KLHL1: variants seen among roughly 807,000 people sequenced by gnomAD.
KLHL1 encodes kelch like family member 1, also known as kelch-like protein 1.
KLHL1 carries 47 observed loss-of-function variants against 77.7 expected under a neutral mutation model. That is an observed-to-expected ratio of 0.60 (90% confidence interval 0.48 to 0.77). The LOEUF is 0.77. Ranked by LOEUF, KLHL1 falls within the 30% of genes least tolerant of loss-of-function variation. The probability of loss-of-function intolerance (pLI) is 0.00; values close to 1 mark genes in which losing one functional copy is unlikely to be tolerated. For missense variants in KLHL1, 925 were observed against 910.8 expected (o/e 1.02, Z -0.20); for synonymous variants, 360 against 325.2 (o/e 1.11, Z -1.15).
intron 4 of KLHL1, among the ~76,000 whole-genome samples, chr13:69,884,845 C>T (rs1264213380): frequency 1.3e-5 from 2 of 151,842 alleles, no homozygotes; most frequent in East Asian, 1.9e-4. Flanking sequence ...AAATCTATCT[C>T]GTAGGAAGGC....
intron 7 of KLHL1, among the ~76,000 whole-genome samples, chr13:69,769,700 C>T (rs995276330): frequency 2.0e-5 from 3 of 152,144 alleles, no homozygotes; most frequent in African/African-American, 4.8e-5. Flanking sequence ...CACAGCTACC[C>T]TCTTTGGGCC....
chr13:69,773,430 C>T (rs963330856), intron 7 of KLHL1, among the ~76,000 whole-genome samples: 10 of 151,912 alleles, frequency 6.6e-5, no homozygotes, highest in Non-Finnish European at 1.3e-4. Context: ...TATTTTTCCT[C>T]TATGAGATAT....
intron 3 of KLHL1, among the ~76,000 whole-genome samples, chr13:69,948,561 C>T (rs1285267051): frequency 6.6e-6 from 1 of 151,952 alleles, no homozygotes; most frequent in East Asian, 1.9e-4. Flanking sequence ...ACAATCACAT[C>T]TTAAGTAAAT....
intron 7 of KLHL1, among the ~76,000 whole-genome samples, chr13:69,784,844 A>G (rs1258962293): frequency 6.7e-6 from 1 of 149,284 alleles, no homozygotes; most frequent in Non-Finnish European, 1.5e-5. Flanking sequence ...CCTAATAGAC[A>G]TCTACAGAAC....
At chr13:69,901,116 T>G (rs1881839541) in intron 4 of KLHL1, among the ~76,000 whole-genome samples, 2 of 152,114 alleles carry the variant, frequency 1.3e-5, no homozygotes, top group Non-Finnish European at 2.9e-5. Flanking sequence ...TACATGCAAA[T>G]AGATAGAATA....
rs116031349 is a variant in KLHL1 at position 69,881,166 on chromosome 13, T to C, written c.1227+1117A>G. Among the ~76,000 whole-genome samples, 366 of 152,256 alleles carry C rather than the reference T, an allele frequency of 2.4e-3. 1 individual carries two copies. Among genetic ancestry groups the C allele is most frequent in the African/African-American group, 7.7e-3 (319 of 41,564 alleles). On this transcript the variant is annotated intron_variant, in intron 5 of 10. Transcript: ENST00000377844. Reference sequence around the variant, plus strand: ...TCCATAAATTATTTTGCTGTTTTTTTCTCCTGTACTAATCTCAGCAGCCAA... The same window carrying C: ...TCCATAAATTATTTTGCTGTTTTTTCCTCCTGTACTAATCTCAGCAGCCAA...
Position 69,877,135 on chromosome 13 carries a change from C to T in KLHL1, c.1227+5148G>A, listed in dbSNP as rs112986369. ...TCTCTGACCATGATAAAACTGAATT[C>T]CCCTGAGCACCTTTTGACTTGATAA... is the stretch of plus-strand genomic sequence containing the variant. On this transcript the variant is annotated intron_variant, in intron 5 of 10. Transcript: ENST00000377844. 5.7e-4 allele frequency among the ~76,000 whole-genome samples: 86 copies of T among 152,110 alleles called. 1 individual carries two copies. Among genetic ancestry groups the T allele is most frequent in the African/African-American group, 2.0e-3 (81 of 41,528 alleles).
At chr13:69,854,295 G>C (rs575925957) in intron 5 of KLHL1, among the ~76,000 whole-genome samples, 1 of 152,166 alleles carries the variant, frequency 6.6e-6, no homozygotes, top group South Asian at 2.1e-4. Context: ...CATTGAGGAA[G>C]ATGAAGGGGG....
chr13:69,898,589 T>C (rs1261007921), intron 4 of KLHL1, among the ~76,000 whole-genome samples: 2 of 152,198 alleles, frequency 1.3e-5, no homozygotes, highest in Non-Finnish European at 2.9e-5. Flanking sequence ...TTCAGTGTTA[T>C]GGCCCCACTA....
intron 1 of KLHL1, among the ~76,000 whole-genome samples, chr13:70,014,441 T>C (rs1467948339): frequency 6.6e-6 from 1 of 152,050 alleles, no homozygotes; most frequent in South Asian, 2.1e-4. Context: ...TTTGGTGCAG[T>C]CCATAATAAG....
At chr13:69,893,389 C>T (rs960574601) in intron 4 of KLHL1, among the ~76,000 whole-genome samples, 4 of 151,758 alleles carry the variant, frequency 2.6e-5, no homozygotes, top group East Asian at 1.9e-4. Flanking sequence ...CGCCCGCCAC[C>T]GCGCCTGGCT....
intron 7 of KLHL1, among the ~76,000 whole-genome samples, chr13:69,744,560 G>C (rs904784562): frequency 1.3e-5 from 2 of 150,984 alleles, no homozygotes; most frequent in African/African-American, 4.8e-5. Context: ...TGTAAAACAT[G>C]TAAGTGTTCA....
intron 1 of KLHL1, among the ~76,000 whole-genome samples, chr13:70,008,404 T>C (rs896175585): frequency 1.3e-5 from 2 of 152,088 alleles, no homozygotes; most frequent in Admixed American, 1.3e-4. Flanking sequence ...GTTTTTGTCA[T>C]TCTATGAACA....
At chr13:69,937,437 A>C (rs2138294484) in intron 4 of KLHL1, among the ~76,000 whole-genome samples, 1 of 152,174 alleles carries the variant, frequency 6.6e-6, no homozygotes, top group South Asian at 2.1e-4. Context: ...TAACCACATA[A>C]AATTTACTAT....
At chr13:69,997,810 T>C (rs1399216391) in intron 1 of KLHL1, among the ~76,000 whole-genome samples, 2 of 148,992 alleles carry the variant, frequency 1.3e-5, no homozygotes, top group Non-Finnish European at 3.0e-5. Flanking sequence ...TCTCACCTAT[T>C]CTTTATTATA....
intron 4 of KLHL1, among the ~76,000 whole-genome samples, chr13:69,898,428 G>A (rs1444649475): frequency 6.6e-6 from 1 of 152,178 alleles, no homozygotes; most frequent in African/African-American, 2.4e-5. Context: ...CCTTTTGGCT[G>A]TGTGGTGCAC....
chr13:70,052,651 A>T (rs1426572135), intron 1 of KLHL1, among the ~76,000 whole-genome samples: 1 of 151,886 alleles, frequency 6.6e-6, no homozygotes, highest in African/African-American at 2.4e-5. Flanking sequence ...ATTTTTAAAA[A>T]TAACCTCTTT....
At chr13:70,033,868 C>T (rs981700556) in intron 1 of KLHL1, among the ~76,000 whole-genome samples, 1 of 151,972 alleles carries the variant, frequency 6.6e-6, no homozygotes, top group Non-Finnish European at 1.5e-5. Context: ...GATCTTCCTG[C>T]CCCCACCTCT....
intron 1 of KLHL1, among the ~76,000 whole-genome samples, chr13:70,082,123 C>A (rs1887406524): frequency 6.6e-6 from 1 of 152,146 alleles, no homozygotes; most frequent in Admixed American, 6.5e-5. Flanking sequence ...CCTTTGCCTT[C>A]CTCCATAATT....
Sources: gnomAD v4.1 joint callset for allele counts (sites outside exome capture counted in the v4.1 genomes callset) on GRCh38, gnomAD v4.1.1 for gene constraint, MANE v1.5 for transcripts, NCBI Gene and HGNC (gene_info 2026-07-23, HGNC 2026-07-21) for gene names.